The following SMIM14 variants were observed in gnomAD, a reference collection of about 807,000 sequenced individuals.
The protein encoded by SMIM14 is chromosome 4 open reading frame 34.
A neutral mutation model predicts 12.6 loss-of-function variants in SMIM14; 5 were observed. The observed-to-expected ratio is 0.40, with a 90% confidence interval of 0.21 to 0.83. SMIM14 has a LOEUF of 0.83. Ranked by LOEUF, SMIM14 falls within the 40% of genes least tolerant of loss-of-function variation. The pLI is 0.37. For synonymous variants in SMIM14, 30 were observed against 40.1 expected (o/e 0.75, Z 0.95); for missense variants, 86 against 119.1 (o/e 0.72, Z 1.29).
At chr4:39,636,089 C>G (rs1716074501) in intron 1 of SMIM14, among the ~76,000 whole-genome samples, 1 of 147,782 alleles carries the variant, frequency 6.8e-6, no homozygotes, top group Non-Finnish European at 1.5e-5. Context: ...TGGAGAATCA[C>G]TTGAACCCGG....
chr4:39,561,916 T>TAGTG (rs1302811360), intron 3 of SMIM14, among the ~76,000 whole-genome samples: 16 of 151,840 alleles, frequency 1.1e-4, no homozygotes, highest in Non-Finnish European at 1.5e-5. Context: ...CTGGGCAACA[T>TAGTG]AGTGAGACTC....
chr4:39,635,660 C>A (rs1457561577), intron 1 of SMIM14, among the ~76,000 whole-genome samples: 1 of 152,060 alleles, frequency 6.6e-6, no homozygotes, highest in Non-Finnish European at 1.5e-5. Flanking sequence ...GACTAATCAT[C>A]CAAGAGATGC....
At chr4:39,580,040 C>T (rs1173303146) in intron 2 of SMIM14, among the ~76,000 whole-genome samples, 2 of 152,050 alleles carry the variant, frequency 1.3e-5, no homozygotes, top group Non-Finnish European at 2.9e-5. Flanking sequence ...TAAACAAGAA[C>T]TTAATTGCTA....
chr4:39,598,879 C>A (rs146958262), intron 2 of SMIM14, among the ~76,000 whole-genome samples: 221 of 152,048 alleles, frequency 1.5e-3, no homozygotes, highest in African/African-American at 5.2e-3. Context: ...ACTAAGCCAG[C>A]TCCCTGTAGT....
intron 1 of SMIM14, among the ~76,000 whole-genome samples, chr4:39,624,961 C>A (rs1173079863): frequency 8.1e-5 from 12 of 148,200 alleles, no homozygotes; most frequent in Admixed American, 4.1e-4. Flanking sequence ...AATCCCAGCA[C>A]TTTGGAAGGC....
intron 1 of SMIM14, among the ~76,000 whole-genome samples, chr4:39,637,864 C>T (rs1716158755): frequency 6.6e-6 from 1 of 152,236 alleles, no homozygotes; most frequent in South Asian, 2.1e-4. Context: ...CTGACAATAA[C>T]ACACACAAAC....
intron 2 of SMIM14, among the ~76,000 whole-genome samples, chr4:39,603,673 G>C (rs942426189): frequency 6.6e-6 from 1 of 152,064 alleles, no homozygotes; most frequent in Non-Finnish European, 1.5e-5. Flanking sequence ...AAATCTTGTT[G>C]TTCAGAAATC....
intron 1 of SMIM14, among the ~76,000 whole-genome samples, chr4:39,635,679 A>T (rs1319722222): frequency 3.3e-5 from 5 of 152,194 alleles, no homozygotes; most frequent in African/African-American, 1.2e-4. Context: ...GCAAAATGAA[A>T]ATAGAGATTT....
intron 1 of SMIM14, chr4:39,638,357 A>G: frequency 1.7e-6 from 1 of 581,690 alleles, no homozygotes; most frequent in Non-Finnish European, 2.2e-6. Flanking sequence ...TAAACAAGAT[A>G]GTGTGGATTT....
intron 2 of SMIM14, among the ~76,000 whole-genome samples, chr4:39,575,087 T>G (rs759489518): frequency 5.3e-5 from 8 of 150,804 alleles, no homozygotes; most frequent in Non-Finnish European, 1.2e-4. Context: ...TAGTTTTTTT[T>G]TTTTTTTTTT....
intron 4 of SMIM14, among the ~76,000 whole-genome samples, chr4:39,555,657 T>G (rs1000900280): frequency 3.0e-4 from 45 of 152,352 alleles, no homozygotes; most frequent in African/African-American, 1.1e-3. Context: ...CATGAATGAT[T>G]CCGACCTCTC....
Position 39,548,058 on chromosome 4 carries a change from A to C in SMIM14, c.*4068T>G, listed in dbSNP as rs1367036020. 6.6e-6 allele frequency: 1 copy of C among 152,278 alleles called. No homozygotes were observed. Among genetic ancestry groups the C allele is most frequent in the Non-Finnish European group, 1.5e-5 (1 of 68,172 alleles). 9.4% of individuals were successfully genotyped at this position (152,278 alleles called of 1,614,324 possible). On this transcript the variant is annotated 3_prime_UTR_variant, in exon 5 of 5. Transcript: ENST00000295958. ...GTAGCTGGGATTACAGGCATGTGCC[A>C]CCACACCAGGCTACTTTTGTATTTT...
chr4:39,579,314 G>A (rs1400717786), intron 2 of SMIM14, among the ~76,000 whole-genome samples: 1 of 151,428 alleles, frequency 6.6e-6, no homozygotes, highest in Non-Finnish European at 1.5e-5. Flanking sequence ...GGAGGCTGAG[G>A]TGGAAGAACT....
intron 3 of SMIM14, among the ~76,000 whole-genome samples, chr4:39,564,263 ATACAG>A (rs1177662071): frequency 2.0e-5 from 3 of 152,214 alleles, no homozygotes; most frequent in African/African-American, 7.2e-5. Context: ...TTTTGGTCCT[ATACAG>A]TAATTACATT....
At chr4:39,556,141 C>T (rs764292806) in intron 4 of SMIM14, among the ~76,000 whole-genome samples, 13 of 145,624 alleles carry the variant, frequency 8.9e-5, no homozygotes, top group Non-Finnish European at 1.8e-4. Flanking sequence ...CCAGCCTGGG[C>T]GGCACAGCAA....
intron 4 of SMIM14, among the ~76,000 whole-genome samples, chr4:39,552,410 T>C (rs1711763415): frequency 6.6e-6 from 1 of 152,178 alleles, no homozygotes; most frequent in South Asian, 2.1e-4. Flanking sequence ...TGTCTCATTT[T>C]TCCCTGTAGA....
intron 1 of SMIM14, among the ~76,000 whole-genome samples, chr4:39,609,069 C>T (rs1444612631): frequency 1.3e-5 from 2 of 152,096 alleles, no homozygotes; most frequent in African/African-American, 2.4e-5. Context: ...CTCCACCTCC[C>T]GAATTCAAGC....
intron 1 of SMIM14, among the ~76,000 whole-genome samples, chr4:39,617,035 A>AT (rs1318377914): frequency 1.3e-5 from 2 of 152,014 alleles, no homozygotes; most frequent in South Asian, 2.1e-4. Flanking sequence ...TCAGATACTG[A>AT]TTTTTTCTTG....
At chr4:39,633,344 T>C (rs1715980087) in intron 1 of SMIM14, among the ~76,000 whole-genome samples, 1 of 152,182 alleles carries the variant, frequency 6.6e-6, no homozygotes, top group Non-Finnish European at 1.5e-5. Context: ...GTAATTAGAC[T>C]GGCTGCTGTA....
Sources: gnomAD v4.1 joint callset for allele counts (sites outside exome capture counted in the v4.1 genomes callset) on GRCh38, gnomAD v4.1.1 for gene constraint, MANE v1.5 for transcripts, NCBI Gene and HGNC (gene_info 2026-07-23, HGNC 2026-07-21) for gene names.